SEMA4A: variants seen among roughly 807,000 people sequenced by gnomAD.
SEMA4A encodes semaphorin 4A.
In SEMA4A, 52 loss-of-function variants were observed where a neutral mutation model predicts 72.5. The observed-to-expected ratio is 0.72, with a 90% CI of 0.57 to 0.90. The LOEUF (loss-of-function observed/expected upper bound fraction) is 0.90. SEMA4A is among the 40% of genes least tolerant of loss of function. The probability of loss-of-function intolerance (pLI) is 0.00; values close to 1 mark genes in which losing one functional copy is unlikely to be tolerated. For missense variants in SEMA4A, 926 were observed against 959.7 expected (o/e 0.96, Z 0.46); for synonymous variants, 369 against 393.1 (o/e 0.94, Z 0.73).
chr1:156,160,795 G>A (rs1653517382), intron 7 of SEMA4A, 110 bp from the exon 8 acceptor site: 3 of 1,522,548 alleles, frequency 2.0e-6, no homozygotes, highest in Admixed American at 1.7e-5. Flanking sequence ...TGTGGGACCC[G>A]AGGAAGCCTG....
At chr1:156,149,489 G>C (rs1652367218), upstream of SEMA4A, among the ~76,000 whole-genome samples, 2 of 152,226 alleles carry the variant, frequency 1.3e-5, no homozygotes, top group Non-Finnish European at 2.9e-5. Context: ...TCCCTCAGAA[G>C]TCAGGATACT....
chr1:156,175,164 G>T lies in SEMA4A; in HGVS notation c.1513G>T (p.Asp505Tyr). ...ANCSVYESCV[D>Y]CVLARDPHCA... Reference sequence around the variant, plus strand: ...CTGTAGTGTCTATGAGAGCTGTGTGGACTGTGTCCTTGCCCGGGACCCCCA... The same window carrying T: ...CTGTAGTGTCTATGAGAGCTGTGTGTACTGTGTCCTTGCCCGGGACCCCCA... The change falls in exon 13 of 15, where the codon GAC becomes TAC. Residue 505 changes from aspartate to tyrosine, a missense_variant. Transcript: ENST00000368285. 6.2e-7 allele frequency: 1 copy of T among 1,614,194 alleles called. No individual in the cohort carries two copies.
In SEMA4A at chr1:156,154,638, ACTGCTTCAG is replaced by A; in HGVS notation, c.66_74del (p.Gln23_Leu25del). 2 of 1,609,560 alleles carry A rather than the reference ACTGCTTCAG, an allele frequency of 1.2e-6. No individual in the cohort carries two copies. Among genetic ancestry groups the A allele is most frequent in the Non-Finnish European group, 8.5e-7 (1 of 1,178,484 alleles). On this transcript the variant is annotated inframe_deletion, in exon 2 of 15. Transcript: ENST00000368285. ...GCCTCCTGGGCCTTTTCCTCTTCCA[ACTGCTTCAG>A]CTGCTGCTGCCGACGACGACCGCGG...
chr1:156,149,450 G>A (rs906667560), upstream of SEMA4A, among the ~76,000 whole-genome samples: 3 of 152,152 alleles, frequency 2.0e-5, no homozygotes, highest in Non-Finnish European at 2.9e-5. Context: ...GGAAGGAGAG[G>A]CAGAACCTGA....
At position 156,176,827 on chromosome 1, in the gene SEMA4A, C is replaced by A. The variant is rs998761074; in HGVS notation, c.2116C>A (p.Pro706Thr). 5.0e-6 allele frequency: 8 copies of A among 1,614,102 alleles called. No homozygotes were observed. The African/African-American group carries it at 1.1e-4, about 22-fold the overall frequency. The change falls in exon 15 of 15, where the codon CCA becomes ACA. Residue 706 changes from proline (P) to threonine (T), a missense_variant. By Grantham distance (38) the Pro-to-Thr change is conservative. Coordinates refer to ENST00000368285, the MANE Select transcript of SEMA4A (RefSeq NM_022367.4). ...AGCCCTCATCATCCTCGTGGCCTCC[C>A]CATTGAGAGCACTCCGGGCTCGGGG... The part of the protein sequence containing the change: ...SGALIILVAS[P>T]LRALRARGKV...
chr1:156,156,597 G>T (rs902933647), intron 3 of SEMA4A, 23 bp downstream of exon 3: 25 of 1,613,284 alleles, frequency 1.5e-5, no homozygotes, highest in Non-Finnish European at 2.0e-5. Flanking sequence ...GGGATAAAGA[G>T]TGTGGGCTGG....
intron 10 of SEMA4A, among the ~76,000 whole-genome samples, 178 bp from the exon 11 acceptor site, chr1:156,172,648 T>C (rs1355094833): frequency 6.6e-6 from 1 of 152,186 alleles, no homozygotes; most frequent in African/African-American, 2.4e-5. Flanking sequence ...CTGAGAAACT[T>C]CAGGCATGCA....
rs370407549 is a variant in SEMA4A at position 156,154,681 on chromosome 1, G to A, written c.103G>A (p.Gly35Arg). Residue 35 changes from glycine to arginine, a missense_variant, in exon 2 of 15, where the codon GGG (glycine) becomes AGG (arginine). By Grantham distance (125) the Gly-to-Arg change is moderately radical. Coordinates refer to ENST00000368285, the MANE Select transcript of SEMA4A (RefSeq NM_022367.4). ...GCCGACGACGACCGCGGGGGGAGGC[G>A]GGCAGGGGCCCATGCCCAGGGTCAG... ...LLPTTTAGGG[G>R]QGPMPRVRYY... The A allele has an allele frequency of 1.9e-5, 30 of 1,595,254 alleles. No homozygotes were observed. Among genetic ancestry groups the A allele is most frequent in the South Asian group, 1.7e-4 (15 of 88,114 alleles).
chr1:156,155,799 C>T (rs1307623132), intron 2 of SEMA4A: 1 of 163,388 alleles, frequency 6.1e-6, no homozygotes, highest in Non-Finnish European at 1.3e-5. Flanking sequence ...CCCCACCCAC[C>T]CCACCATGCC....
chr1:156,160,388 G>C, intron 6 of SEMA4A, 55 bp from the exon 7 acceptor site: 1 of 1,367,102 alleles, frequency 7.3e-7, no homozygotes, highest in Non-Finnish European at 1.0e-6. Flanking sequence ...GGTCTGTGGA[G>C]GGCAGAGGAA....
chr1:156,165,994 C>T (rs1442676101), intron 10 of SEMA4A, among the ~76,000 whole-genome samples: 4 of 148,496 alleles, frequency 2.7e-5, no homozygotes, highest in Non-Finnish European at 4.4e-5. Context: ...ACAACCTCCA[C>T]CTCCCAGGTT....
At chr1:156,154,408 G>T in intron 1 of SEMA4A, 142 bp from the exon 2 acceptor site, 5 of 723,228 alleles carry the variant, frequency 6.9e-6, no homozygotes, top group Non-Finnish European at 1.2e-5. Flanking sequence ...GGCCCTTCCA[G>T]ATAGGGAACC....
intron 5 of SEMA4A, 111 bp downstream of exon 5, chr1:156,158,597 C>T: frequency 7.8e-7 from 1 of 1,277,526 alleles, no homozygotes; most frequent in Admixed American, 1.7e-5. Flanking sequence ...GCAGGACCCT[C>T]ATGAACTTCC....
chr1:156,167,316 C>T lies in SEMA4A; in HGVS notation c.1134+4222C>T, dbSNP rs569411384. Among the ~76,000 whole-genome samples, 38 of 151,492 alleles carry T rather than the reference C, an allele frequency of 2.5e-4. No individual in the cohort carries two copies. The South Asian group carries it at 7.9e-3, about 32-fold the overall frequency. On this transcript the variant is annotated intron_variant, in intron 10 of 14. Coordinates refer to ENST00000368285, the MANE Select transcript of SEMA4A (RefSeq NM_022367.4). ...GCAGCCTGGGCAATATAGTAAGACC[C>T]CCATCTCTACAAAATATTTAAAAAT...
chr1:156,158,438 T>C lies in SEMA4A; in HGVS notation c.414T>C (p.His138=). The C allele has an allele frequency of 6.2e-7, 1 of 1,613,450 alleles. No individual in the cohort carries two copies. Among genetic ancestry groups the C allele is most frequent in the Non-Finnish European group, 8.5e-7 (1 of 1,179,794 alleles). Residue 138 remains histidine, a synonymous_variant, in exon 5 of 15, where the codon CAT becomes CAC. Transcript: ENST00000368285. ...TCCTGGTTTCTTACAATGTCACCCA[T>C]CTCTACACCTGCGGCACCTTCGCCT... ...IRVLVSYNVT[H]LYTCGTFAFS...
chr1:156,171,665 C>T (rs1572420301), intron 10 of SEMA4A, among the ~76,000 whole-genome samples: 1 of 152,152 alleles, frequency 6.6e-6, no homozygotes, highest in East Asian at 1.9e-4. Flanking sequence ...CAACCTCCGC[C>T]TCCCATGTTC....
At chr1:156,154,412 G>A (rs1652804439) in intron 1 of SEMA4A, 138 bp from the exon 2 acceptor site, 1 of 739,494 alleles carries the variant, frequency 1.4e-6, no homozygotes, top group South Asian at 1.7e-5. Context: ...CTTCCAGATA[G>A]GGAACCTTCT....
chr1:156,172,357 C>T (rs1431782797), intron 10 of SEMA4A, among the ~76,000 whole-genome samples: 1 of 152,078 alleles, frequency 6.6e-6, no homozygotes, highest in Non-Finnish European at 1.5e-5. Context: ...CTCAGGTGAT[C>T]CACCCACCTA....
chr1:156,169,592 T>G (rs1238336858), intron 10 of SEMA4A, among the ~76,000 whole-genome samples: 2 of 150,576 alleles, frequency 1.3e-5, no homozygotes, highest in Non-Finnish European at 3.0e-5. Flanking sequence ...GCTAATTTTT[T>G]TGTATTTTTA....
Sources: gnomAD v4.1 joint callset for allele counts (sites outside exome capture counted in the v4.1 genomes callset) on GRCh38, gnomAD v4.1.1 for gene constraint, MANE v1.5 for transcripts, NCBI Gene and HGNC (gene_info 2026-07-23, HGNC 2026-07-21) for gene names.